The following NAALADL2 variants were observed in gnomAD, a reference collection of about 807,000 sequenced individuals.
The protein encoded by NAALADL2 is N-acetylated alpha-linked acidic dipeptidase like 2.
Under a neutral mutation model 87.2 loss-of-function variants are expected in NAALADL2, and 76 were observed. The ratio of observed to expected loss-of-function variants is 0.87; its 90% CI spans 0.72 to 1.05. The LOEUF (loss-of-function observed/expected upper bound fraction) is 1.05. Ranked by LOEUF, NAALADL2 falls within the 50% of genes least tolerant of loss-of-function variation. The probability of loss-of-function intolerance (pLI) is 0.00; values close to 1 mark genes in which losing one functional copy is unlikely to be tolerated. For missense variants in NAALADL2, 1,089 were observed against 945.8 expected, an observed-to-expected ratio of 1.15 and a Z score of -1.99; for synonymous variants, 354 against 331.0, an observed-to-expected ratio of 1.07 and a Z score of -0.75.
intron 3 of NAALADL2, among the ~76,000 whole-genome samples, chr3:174,848,977 G>A (rs554649731): frequency 3.9e-5 from 6 of 152,244 alleles, no homozygotes; most frequent in Admixed American, 1.3e-4. Flanking sequence ...ATTGGAACAC[G>A]ATGGTAAGTG....
At chr3:175,250,076 A>G (rs1411704801) in intron 3 of NAALADL2, among the ~76,000 whole-genome samples, 1 of 151,960 alleles carries the variant, frequency 6.6e-6, no homozygotes, top group East Asian at 1.9e-4. Flanking sequence ...AGGCTGAGGC[A>G]GGAGAATCGC....
rs1722022368 is a variant in NAALADL2, at chr3:174,826,579, A to C, written c.-9+88833A>C. ...AGCACATAGACCTTCAGTGCCAGAAATACTTGGATTTGAATGCCCATTCCA... is the reference window on the plus strand; with the variant it reads ...AGCACATAGACCTTCAGTGCCAGAACTACTTGGATTTGAATGCCCATTCCA... On this transcript the variant is annotated intron_variant, in intron 3 of 3. Coordinates refer to the NAALADL2 transcript ENST00000434257. 2.6e-5 allele frequency among the ~76,000 whole-genome samples: 4 copies of C among 152,302 alleles called. No homozygotes were observed. In the South Asian group the frequency reaches 8.3e-4, roughly 32 times the overall value.
At chr3:175,340,575 T>A (rs1039533483) in intron 5 of NAALADL2, among the ~76,000 whole-genome samples, 1 of 152,156 alleles carries the variant, frequency 6.6e-6, no homozygotes, top group Non-Finnish European at 1.5e-5. Flanking sequence ...GAGAAGGCAG[T>A]TCTCAGCAGG....
intron 2 of NAALADL2, among the ~76,000 whole-genome samples, chr3:174,706,743 TTTC>T (rs1243043925): frequency 6.6e-6 from 1 of 152,198 alleles, no homozygotes; most frequent in Non-Finnish European, 1.5e-5. Flanking sequence ...TTGCCTAGGT[TTTC>T]TTCTAGGGTT....
At chr3:175,703,658 G>A (rs1739287350) in intron 11 of NAALADL2, among the ~76,000 whole-genome samples, 1 of 151,988 alleles carries the variant, frequency 6.6e-6, no homozygotes, top group South Asian at 2.1e-4. Flanking sequence ...CAGGAGAATC[G>A]CTTGAACCTG....
rs76865725 is a variant in NAALADL2 at position 175,679,932 on chromosome 3, A to T, written c.1896+52546A>T. On this transcript the variant is annotated intron_variant, in intron 11 of 13. Coordinates refer to ENST00000454872, the MANE Select transcript of NAALADL2 (RefSeq NM_207015.3). ...TGGTACAGTATAGAATCAACTTGAT[A>T]GGAAAAAGAAGGTGAGAAAAAAAGG... is the stretch of plus-strand genomic sequence containing the variant. 5.5e-3 allele frequency among the ~76,000 whole-genome samples: 840 copies of T among 152,240 alleles called. 5 individuals carry two copies. The highest frequency in any genetic ancestry group is 0.019 in the African/African-American group (804 of 41,508).
At chr3:175,767,794 C>T (rs568769485) in intron 13 of NAALADL2, 32 of 152,212 alleles carry the variant, frequency 2.1e-4, no homozygotes, top group African/African-American at 7.0e-4. Context: ...CAGCCGCCTG[C>T]AGTTCTCAGG....
chr3:175,107,559 G>A (rs1020157919), intron 2 of NAALADL2, among the ~76,000 whole-genome samples: 14 of 150,510 alleles, frequency 9.3e-5, no homozygotes, highest in South Asian at 2.1e-4. Flanking sequence ...CATCCTATAC[G>A]TTCTGTTTCT....
At chr3:175,727,233 G>C (rs1288911408) in intron 11 of NAALADL2, among the ~76,000 whole-genome samples, 2 of 152,146 alleles carry the variant, frequency 1.3e-5, no homozygotes, top group Non-Finnish European at 2.9e-5. Context: ...CTTGGCAACT[G>C]TTGGAGGCAT....
At chr3:175,744,259 A>C (rs1309823387) in intron 12 of NAALADL2, among the ~76,000 whole-genome samples, 1 of 152,196 alleles carries the variant, frequency 6.6e-6, no homozygotes, top group Admixed American at 6.5e-5. Flanking sequence ...CAAGCCAGAC[A>C]CCTCTATATC....
intron 11 of NAALADL2, 28 bp from the exon 12 acceptor site, chr3:175,737,278 G>A: frequency 1.5e-6 from 2 of 1,328,434 alleles, no homozygotes; most frequent in Non-Finnish European, 2.2e-6. Flanking sequence ...CTGAATGCTA[G>A]TATTTTCTTT....
At chr3:175,046,466 T>TAATATG (rs1196406290) in intron 1 of NAALADL2, among the ~76,000 whole-genome samples, 1 of 152,128 alleles carries the variant, frequency 6.6e-6, no homozygotes, top group East Asian at 1.9e-4. Context: ...CTCAGACAAA[T>TAATATG]AATATGAATG....
At chr3:175,711,067 A>G (rs1305635659) in intron 11 of NAALADL2, among the ~76,000 whole-genome samples, 1 of 151,938 alleles carries the variant, frequency 6.6e-6, no homozygotes, top group African/African-American at 2.4e-5. Context: ...CTGTTAATGA[A>G]TTATTTCAAA....
At chr3:174,539,982 A>G (rs1256762999) in intron 1 of NAALADL2, among the ~76,000 whole-genome samples, 2 of 92,900 alleles carry the variant, frequency 2.2e-5, no homozygotes, top group Non-Finnish European at 4.5e-5. Flanking sequence ...TTCTGGAAAA[A>G]AAAAAAAAAA....
chr3:175,449,589 C>T (rs1041553551), intron 6 of NAALADL2, among the ~76,000 whole-genome samples: 9 of 151,710 alleles, frequency 5.9e-5, no homozygotes, highest in African/African-American at 1.9e-4. Flanking sequence ...GAGACGGGGT[C>T]TCACCATGTT....
chr3:174,848,284 A>AAAT (rs1309127352), intron 3 of NAALADL2, among the ~76,000 whole-genome samples: 2 of 152,028 alleles, frequency 1.3e-5, no homozygotes, highest in East Asian at 3.9e-4. Flanking sequence ...AATCAGAACT[A>AAAT]AATAATAATA....
chr3:174,756,133 G>A (rs1358422333), intron 3 of NAALADL2, among the ~76,000 whole-genome samples: 1 of 152,310 alleles, frequency 6.6e-6, no homozygotes, highest in Non-Finnish European at 1.5e-5. Context: ...TACAATGATT[G>A]TAAAGCACTG....
chr3:174,479,171 A>G lies in NAALADL2; in HGVS notation c.-184+38139A>G, dbSNP rs141165384. 1.7e-3 allele frequency among the ~76,000 whole-genome samples: 264 copies of G among 152,300 alleles called. 1 individual carries two copies. The highest frequency in any genetic ancestry group is 6.2e-3 in the African/African-American group (258 of 41,590). On this transcript the variant is annotated intron_variant, in intron 1 of 3. Coordinates refer to the NAALADL2 transcript ENST00000434257. ...ATAGTCATATTTTGAATGCTCATAC[A>G]TGTGGGGTGATAGAAGTATTGAGAT...
intron 5 of NAALADL2, among the ~76,000 whole-genome samples, chr3:175,395,138 A>G (rs1350503124): frequency 6.6e-6 from 1 of 152,130 alleles, no homozygotes; most frequent in Non-Finnish European, 1.5e-5. Context: ...ACTAATGGGC[A>G]GGTCCATAAT....
Sources: allele counts gnomAD v4.1 joint callset (sites outside exome capture counted in the v4.1 genomes callset), GRCh38; gene constraint gnomAD v4.1.1; transcripts MANE v1.5; gene names NCBI Gene and HGNC (gene_info 2026-07-23, HGNC 2026-07-21).